POM121C: variants seen among roughly 807,000 people sequenced by gnomAD.
The protein encoded by POM121C is nuclear envelope pore membrane protein POM 121C.
Under a neutral mutation model 66.4 loss-of-function variants are expected in POM121C, and 20 were observed. The observed-to-expected ratio is 0.30, with a 90% CI of 0.21 to 0.44. The LOEUF is 0.44. Ranked by LOEUF, POM121C falls within the 20% of genes least tolerant of loss-of-function variation. The pLI is 1.00. For missense variants in POM121C, 580 were observed against 1,225.7 expected (o/e 0.47, Z 7.87); for synonymous variants, 286 against 528.0 (o/e 0.54, Z 6.28).
At chr7:75,438,102 T>G (rs1178222620) in intron 6 of POM121C, among the ~76,000 whole-genome samples, 1 of 152,010 alleles carries the variant, frequency 6.6e-6, no homozygotes, top group African/African-American at 2.4e-5. Context: ...CAATTATACC[T>G]CAACAAAGCT....
At chr7:75,481,030 A>AATATATAT (rs201637708) in intron 1 of POM121C, among the ~76,000 whole-genome samples, 319 of 137,034 alleles carry the variant, frequency 2.3e-3, no homozygotes, top group Admixed American at 5.1e-3. Context: ...TAGTTCAAAA[A>AATATATAT]ATATATATAT....
At chr7:75,425,448 C>T in intron 9 of POM121C, 187 bp downstream of exon 9, 1 of 1,386,190 alleles carries the variant, frequency 7.2e-7, no homozygotes, top group Non-Finnish European at 9.7e-7. Flanking sequence ...TCGTTAGCCC[C>T]CATCTGTAGC....
intron 6 of POM121C, among the ~76,000 whole-genome samples, chr7:75,438,101 C>T (rs1417103711): frequency 6.6e-6 from 1 of 152,020 alleles, no homozygotes; most frequent in Non-Finnish European, 1.5e-5. Context: ...TCAATTATAC[C>T]TCAACAAAGC....
At chr7:75,455,678 C>A (rs1554476218) in intron 3 of POM121C, among the ~76,000 whole-genome samples, 2 of 151,700 alleles carry the variant, frequency 1.3e-5, no homozygotes. Flanking sequence ...CATATGGCCA[C>A]CCTCCCTTTG....
intron 13 of POM121C, 38 bp from the exon 14 acceptor site, chr7:75,419,480 A>G: frequency 1.9e-6 from 3 of 1,606,428 alleles, no homozygotes; most frequent in Non-Finnish European, 2.5e-6. Context: ...CAGTGAGCAG[A>G]GGGCGGAGGC....
At chr7:75,453,626 A>G (rs1791104095) in intron 3 of POM121C, among the ~76,000 whole-genome samples, 1 of 151,746 alleles carries the variant, frequency 6.6e-6, no homozygotes, top group Admixed American at 6.6e-5. Flanking sequence ...TAATGAGTAT[A>G]AAGAAGTAAA....
At position 75,417,644 on chromosome 7, in the gene POM121C, T is replaced by C. The variant is rs1434121208; in HGVS notation, c.*1152A>G. On this transcript the variant is annotated 3_prime_UTR_variant, in exon 15 of 15. Coordinates refer to ENST00000615331, the MANE Select transcript of POM121C (RefSeq NM_001099415.3). ...TTAATTTAGGTTTTCTAACATCTAC[T>C]TTGGGTGACGTAGCCTCCAGTGAGG... is the stretch of plus-strand genomic sequence containing the variant. 1.1e-5 allele frequency: 11 copies of C among 985,378 alleles called. No individual in the cohort carries two copies. Among genetic ancestry groups the C allele is most frequent in the Admixed American group, 1.2e-4 (2 of 16,252 alleles). 61.0% of individuals were successfully genotyped at this position (985,378 alleles called of 1,614,324 possible).
chr7:75,441,317 A>G (rs1790638354), intron 4 of POM121C, 115 bp downstream of exon 4: 1 of 1,398,094 alleles, frequency 7.2e-7, no homozygotes, highest in Non-Finnish European at 9.7e-7. Flanking sequence ...TTCTCATTCA[A>G]ACAAGCAGAT....
chr7:75,477,950 GT>G (rs1563160265), intron 1 of POM121C, among the ~76,000 whole-genome samples: 1 of 151,962 alleles, frequency 6.6e-6, no homozygotes, highest in African/African-American at 2.4e-5. Context: ...GCAATGATTT[GT>G]TTTTTTGTTT....
intron 7 of POM121C, among the ~76,000 whole-genome samples, chr7:75,437,123 T>C (rs1554473104): frequency 6.6e-6 from 1 of 152,214 alleles, no homozygotes; most frequent in African/African-American, 2.4e-5. Context: ...TCCGTTTATC[T>C]ACATCACAGC....
intron 7 of POM121C, among the ~76,000 whole-genome samples, chr7:75,432,748 T>C (rs1380221203): frequency 9.2e-5 from 14 of 152,236 alleles, no homozygotes; most frequent in African/African-American, 3.1e-4. Context: ...AAAGCAAATA[T>C]GCTGTGACCC....
In POM121C at chr7:75,437,549, G is replaced by A. The variant is rs1554473173; in HGVS notation, c.446C>T (p.Thr149Ile). ...GCCTCGAGTGGAGCTGTAGGAACTG[G>A]TAATGGCATTGCGGCTGGAGCTAGG... ...GIPSSSRNAI[T>I]SSYSSTRGIS... Residue 149 changes from threonine to isoleucine, a missense_variant, in exon 7 of 15, where the codon ACC becomes ATC. Coordinates refer to ENST00000615331, the MANE Select transcript of POM121C (RefSeq NM_001099415.3). 14 of 1,613,944 alleles carry A rather than the reference G, an allele frequency of 8.7e-6. No homozygotes were observed. The highest frequency in any genetic ancestry group is 1.1e-5 in the Non-Finnish European group (13 of 1,179,830).
At chr7:75,420,959 A>G (rs1460331971) in intron 13 of POM121C, 1 of 94,488 alleles carries the variant, frequency 1.1e-5, no homozygotes, top group African/African-American at 4.2e-5. Context: ...TGCTGTGCCC[A>G]CCCCCACCCC....
chr7:75,421,906 G>A lies in POM121C; in HGVS notation c.2346C>T (p.Ser782=), dbSNP rs171040. The A allele has an allele frequency of 1.1e-4, 181 of 1,609,350 alleles. 1 individual carries two copies. The South Asian group carries it at 1.7e-3, about 15-fold the overall frequency. The change falls in exon 13 of 15, where the codon TCC becomes TCT. Residue 782 remains serine (S), a synonymous_variant. Transcript: ENST00000615331. The stretch of plus-strand genomic sequence containing the variant: ...GTGAGCTGGCGGGAGCGCCGAAGGC[G>A]GAAGCCGTGGCTTTCAATCCAAACG... ...HSAFGLKATA[S]AFGAPASSQP...
Position 75,431,777 on chromosome 7 carries a change from T to TC in POM121C, c.481-5325dup, listed in dbSNP as rs1245298353. On this transcript the variant is annotated intron_variant, in intron 7 of 14. Transcript: ENST00000615331. ...ACCAGCCTGGCCAACATGGTAAAAC[T>TC]CCATCTCTATTAAAAGTTTTAAAAT... Among the ~76,000 whole-genome samples, 3 of 151,728 alleles carry TC rather than the reference T, an allele frequency of 2.0e-5. No homozygotes were observed. The East Asian group carries it at 5.8e-4, about 29-fold the overall frequency.
intron 3 of POM121C, among the ~76,000 whole-genome samples, chr7:75,467,385 A>G (rs1282398444): frequency 2.6e-5 from 4 of 152,026 alleles, no homozygotes; most frequent in Non-Finnish European, 5.9e-5. Context: ...CAAAAAAATT[A>G]GCCGGGTGTG....
At chr7:75,483,396 T>C (rs1391662147) in intron 1 of POM121C, among the ~76,000 whole-genome samples, 1 of 152,142 alleles carries the variant, frequency 6.6e-6, no homozygotes, top group Non-Finnish European at 1.5e-5. Flanking sequence ...GTGTGTCGCC[T>C]CCCAAATCTC....
At position 75,424,219 on chromosome 7, in the gene POM121C, G is replaced by A. The variant is rs587775640; in HGVS notation, c.878C>T (p.Ala293Val). Residue 293 changes from alanine (A) to valine (V), a missense_variant, in exon 12 of 15, where the codon GCC becomes GTC. Coordinates refer to ENST00000615331, the MANE Select transcript of POM121C (RefSeq NM_001099415.3). ...NQALEDKSDA[A>V]SNSVTETPPT... is the part of the protein sequence containing the mutation. ...TGGGGTCTCAGTGACAGAGTTCGAG[G>A]CAGCATCTAAGAAAGAAAGAAAGGT... The A allele has an allele frequency of 6.2e-7, 1 of 1,611,984 alleles. No homozygotes were observed. The highest frequency in any genetic ancestry group is 1.1e-5 in the South Asian group (1 of 90,978).
At chr7:75,472,773 T>C (rs1398543557) in intron 3 of POM121C, among the ~76,000 whole-genome samples, 2 of 150,116 alleles carry the variant, frequency 1.3e-5, no homozygotes, top group Non-Finnish European at 2.9e-5. Context: ...GCCATTGCAC[T>C]CCAGCCTGGG....
Sources: gnomAD v4.1 joint callset for allele counts (sites outside exome capture counted in the v4.1 genomes callset) on GRCh38, gnomAD v4.1.1 for gene constraint, MANE v1.5 for transcripts, NCBI Gene and HGNC (gene_info 2026-07-23, HGNC 2026-07-21) for gene names.